Variants in TGFA observed in about 807,000 individuals in gnomAD.
TGFA encodes transforming growth factor alpha, also known as protransforming growth factor alpha.
TGFA carries 12 observed loss-of-function variants against 21.7 expected under a neutral mutation model. The ratio of observed to expected loss-of-function variants is 0.55; its 90% CI spans 0.35 to 0.90. TGFA has a LOEUF of 0.90. TGFA is among the 40% of genes least tolerant of loss of function. The probability of loss-of-function intolerance (pLI) is 0.01; values close to 1 mark genes in which losing one functional copy is unlikely to be tolerated. For missense variants in TGFA, 178 were observed against 210.8 expected, an observed-to-expected ratio of 0.84 and a Z score of 0.96; for synonymous variants, 79 against 88.1, an observed-to-expected ratio of 0.90 and a Z score of 0.58.
intron 2 of TGFA, among the ~76,000 whole-genome samples, chr2:70,479,026 C>T (rs1671025403): frequency 6.6e-6 from 1 of 152,170 alleles, no homozygotes; most frequent in African/African-American, 2.4e-5. Context: ...TATTTGTCAT[C>T]TGATTTCATA....
Position 70,484,904 on chromosome 2 carries a change from G to A in TGFA, c.95-19168C>T, listed in dbSNP as rs182195336. Among the ~76,000 whole-genome samples the A allele has an allele frequency of 2.0e-4, 30 of 152,290 alleles. No individual in the cohort carries two copies. In the East Asian group the frequency reaches 4.4e-3, roughly 23 times the overall value. On this transcript the variant is annotated intron_variant, in intron 2 of 5. Coordinates refer to ENST00000295400, the MANE Select transcript of TGFA (RefSeq NM_003236.4). ...CCAAAGAACCCTAGTTGATGTATTCGGAACAAGATCTGTTCTTCAACTGAC... is the reference window on the plus strand; with the variant it reads ...CCAAAGAACCCTAGTTGATGTATTCAGAACAAGATCTGTTCTTCAACTGAC...
intron 1 of TGFA, among the ~76,000 whole-genome samples, chr2:70,531,038 T>C (rs1160782683): frequency 6.6e-6 from 1 of 152,240 alleles, no homozygotes; most frequent in Non-Finnish European, 1.5e-5. Flanking sequence ...GTGATGATGC[T>C]GAGCTGGCTG....
chr2:70,533,621 ATAGG>A (rs1672882248), intron 1 of TGFA, among the ~76,000 whole-genome samples: 2 of 143,956 alleles, frequency 1.4e-5, no homozygotes, highest in African/African-American at 2.6e-5. Context: ...AGGCTGCTGG[ATAGG>A]CTGCTGGTCT....
intron 1 of TGFA, among the ~76,000 whole-genome samples, chr2:70,533,087 T>TCTG (rs1553503926): frequency 6.6e-6 from 1 of 152,070 alleles, no homozygotes; most frequent in East Asian, 1.9e-4. Context: ...GGTCTTGAAC[T>TCTG]CTGGGCTCAA....
At chr2:70,474,432 G>A (rs1670863817) in intron 2 of TGFA, among the ~76,000 whole-genome samples, 1 of 152,216 alleles carries the variant, frequency 6.6e-6, no homozygotes, top group Admixed American at 6.5e-5. Flanking sequence ...AGTGAGGAAG[G>A]GGAACACTTA....
intron 1 of TGFA, among the ~76,000 whole-genome samples, chr2:70,532,988 A>G (rs1553503897): frequency 2.0e-5 from 3 of 151,772 alleles, no homozygotes. Flanking sequence ...CAGTCTCCCA[A>G]GTAGCTGGGG....
chr2:70,452,930 A>T (rs1670102649), intron 5 of TGFA, among the ~76,000 whole-genome samples: 1 of 152,122 alleles, frequency 6.6e-6, no homozygotes, highest in Admixed American at 6.5e-5. Context: ...GTGATAGAGT[A>T]AGACTCCGTC....
chr2:70,532,829 C>T (rs1229472887), intron 1 of TGFA, among the ~76,000 whole-genome samples: 1 of 151,786 alleles, frequency 6.6e-6, no homozygotes, highest in Non-Finnish European at 1.5e-5. Flanking sequence ...TGGTGAAGCA[C>T]ATCTCTGAAT....
intron 5 of TGFA, chr2:70,451,882 G>T: frequency 3.2e-6 from 2 of 634,552 alleles, no homozygotes; most frequent in Non-Finnish European, 5.6e-6. Flanking sequence ...TCGCTCATGA[G>T]CCATCCTCTT....
intron 1 of TGFA, among the ~76,000 whole-genome samples, chr2:70,540,855 G>T (rs1250011184): frequency 5.9e-5 from 9 of 151,984 alleles, no homozygotes; most frequent in Non-Finnish European, 1.3e-4. Context: ...ATACAAACAG[G>T]TAACTCACAA....
chr2:70,470,443 C>G (rs868954061), intron 2 of TGFA, among the ~76,000 whole-genome samples: 3 of 152,194 alleles, frequency 2.0e-5, no homozygotes, highest in African/African-American at 7.2e-5. Context: ...GCTGGACAGG[C>G]TCAGCTTTCC....
chr2:70,553,774 G>C lies in TGFA; in HGVS notation c.-7C>G. On this transcript the variant is annotated 5_prime_UTR_variant, in exon 1 of 6. Transcript: ENST00000295400. ...GTCCAGCCGAGGGGACCATTTTACG[G>C]GCGGGCGGGCAGCAGGCTCTCCAGC... is the stretch of plus-strand genomic sequence containing the variant. 2 of 1,279,448 alleles carry C rather than the reference G, an allele frequency of 1.6e-6. No individual in the cohort carries two copies. Among genetic ancestry groups the C allele is most frequent in the Non-Finnish European group, 2.0e-6 (2 of 1,006,034 alleles). The allele number at this position is 1,279,448 out of a possible 1,614,324, so 79.3% of individuals were successfully genotyped here. A position where few individuals can be genotyped will look rare whatever the true frequency, so the allele number is the denominator to read the frequency against.
At chr2:70,507,168 C>T (rs1463843039) in intron 2 of TGFA, among the ~76,000 whole-genome samples, 4 of 152,236 alleles carry the variant, frequency 2.6e-5, no homozygotes, top group Non-Finnish European at 5.9e-5. Flanking sequence ...ACTGCCTGAG[C>T]CTCGGAGCCT....
chr2:70,482,990 G>C lies in TGFA; in HGVS notation c.95-17254C>G, dbSNP rs546802694. On this transcript the variant is annotated intron_variant, in intron 2 of 5. Transcript: ENST00000295400. ...AAGCTTCTAGGTAAACCCATGTTGA[G>C]TATGTTTGGGGATCTCTTCATTTAA... is the stretch of plus-strand genomic sequence containing the variant. 6.6e-5 allele frequency among the ~76,000 whole-genome samples: 10 copies of C among 152,306 alleles called. No individual in the cohort carries two copies. The South Asian group carries it at 2.1e-3, about 32-fold the overall frequency.
intron 5 of TGFA, chr2:70,451,718 A>G (rs782237439): frequency 1.4e-6 from 1 of 689,878 alleles, no homozygotes. Flanking sequence ...AGAAAAAATA[A>G]AAATATTTAC....
intron 2 of TGFA, among the ~76,000 whole-genome samples, chr2:70,488,814 T>C (rs1671343191): frequency 6.6e-6 from 1 of 152,236 alleles, no homozygotes; most frequent in Non-Finnish European, 1.5e-5. Context: ...TGTGCTATGC[T>C]TCTCCATTTA....
At chr2:70,506,754 A>G (rs1442838674) in intron 2 of TGFA, among the ~76,000 whole-genome samples, 3 of 152,202 alleles carry the variant, frequency 2.0e-5, no homozygotes, top group African/African-American at 4.8e-5. Flanking sequence ...GAAGCCAGGC[A>G]CAGAGAGGTT....
intron 1 of TGFA, among the ~76,000 whole-genome samples, chr2:70,533,335 C>A (rs184101814): frequency 6.6e-6 from 1 of 152,084 alleles, no homozygotes; most frequent in Non-Finnish European, 1.5e-5. Flanking sequence ...CCCCCACCCC[C>A]CAACACCTGC....
intron 2 of TGFA, among the ~76,000 whole-genome samples, chr2:70,509,145 A>C (rs1553500632): frequency 6.6e-6 from 1 of 152,220 alleles, no homozygotes; most frequent in Non-Finnish European, 1.5e-5. Context: ...TTATAGACAC[A>C]TATTTGGAGC....
Sources: allele counts gnomAD v4.1 joint callset (sites outside exome capture counted in the v4.1 genomes callset), GRCh38; gene constraint gnomAD v4.1.1; transcripts MANE v1.5; gene names NCBI Gene and HGNC (gene_info 2026-07-23, HGNC 2026-07-21).